Variants in CLYBL observed in about 807,000 individuals in gnomAD.
CLYBL encodes citramalyl-CoA lyase, mitochondrial.
CLYBL carries 31 observed loss-of-function variants against 38.9 expected under a neutral mutation model. The ratio of observed to expected loss-of-function variants is 0.80; its 90% CI spans 0.60 to 1.08. The LOEUF is 1.08. Ranked by LOEUF, CLYBL falls within the 50% of genes least tolerant of loss-of-function variation. The pLI, the probability that CLYBL is intolerant of heterozygous loss-of-function variation, is 0.00. For missense variants in CLYBL, 434 were observed against 411.6 expected, an observed-to-expected ratio of 1.05 and a Z score of -0.47; for synonymous variants, 171 against 158.6, an observed-to-expected ratio of 1.08 and a Z score of -0.59.
At chr13:99,775,961 A>G (rs567000353) in intron 2 of CLYBL, among the ~76,000 whole-genome samples, 3 of 152,000 alleles carry the variant, frequency 2.0e-5, no homozygotes, top group South Asian at 2.1e-4. Context: ...CAGGAGATCA[A>G]GACCATCCTG....
chr13:99,882,689 T>C (rs539982191), intron 7 of CLYBL, among the ~76,000 whole-genome samples: 2 of 152,122 alleles, frequency 1.3e-5, no homozygotes, highest in South Asian at 4.1e-4. Context: ...TATTTTGTAA[T>C]AGTATAAAGT....
intron 1 of CLYBL, among the ~76,000 whole-genome samples, chr13:99,697,459 C>G (rs998243607): frequency 6.6e-6 from 1 of 152,306 alleles, no homozygotes; most frequent in Admixed American, 6.5e-5. Flanking sequence ...TCACTGCAAC[C>G]TCTGCCTCCC....
intron 1 of CLYBL, among the ~76,000 whole-genome samples, chr13:99,743,478 A>G (rs573024577): frequency 2.0e-5 from 3 of 152,254 alleles, no homozygotes; most frequent in African/African-American, 4.8e-5. Flanking sequence ...AATTAGACAT[A>G]TATGATCTAA....
At chr13:99,758,591 A>C (rs2049108594) in intron 1 of CLYBL, among the ~76,000 whole-genome samples, 1 of 152,190 alleles carries the variant, frequency 6.6e-6, no homozygotes, top group South Asian at 2.1e-4. Flanking sequence ...TGGGGGAAGG[A>C]GAGGACTCAC....
chr13:99,704,499 CAT>C (rs1460785714), intron 1 of CLYBL, among the ~76,000 whole-genome samples: 1 of 152,174 alleles, frequency 6.6e-6, no homozygotes, highest in Non-Finnish European at 1.5e-5. Context: ...AATTAGGACT[CAT>C]ATAATGATTA....
At chr13:99,656,174 G>A (rs931615844) in intron 1 of CLYBL, among the ~76,000 whole-genome samples, 1 of 152,030 alleles carries the variant, frequency 6.6e-6, no homozygotes, top group Non-Finnish European at 1.5e-5. Context: ...TACAGTAATC[G>A]GATAGAAGGG....
downstream of CLYBL, chr13:99,894,337 G>A (rs1253613158): frequency 1.3e-5 from 2 of 152,230 alleles, no homozygotes; most frequent in Non-Finnish European, 2.9e-5. Flanking sequence ...AGCCAGGCGT[G>A]GGTGACAGGA....
chr13:99,732,830 C>A (rs922866426), intron 1 of CLYBL, among the ~76,000 whole-genome samples: 1 of 152,230 alleles, frequency 6.6e-6, no homozygotes, highest in Admixed American at 6.5e-5. Context: ...AAAATACATC[C>A]GCTTTCTTTG....
rs1443640184 is a variant in CLYBL, at chr13:99,672,574, G to A, written c.62+65817G>A. On this transcript the variant is annotated intron_variant, in intron 1 of 8. Transcript: ENST00000339105. Reference sequence around the variant, plus strand: ...GGATCGCTTGAGCCCAAGAGTTTGAGACCAGCCTGGGCAACATGGTGAAAC... The same window carrying A: ...GGATCGCTTGAGCCCAAGAGTTTGAAACCAGCCTGGGCAACATGGTGAAAC... Among the ~76,000 whole-genome samples, 5 of 151,228 alleles carry A rather than the reference G, an allele frequency of 3.3e-5. No individual in the cohort carries two copies. The East Asian group carries it at 9.7e-4, about 29-fold the overall frequency.
intron 1 of CLYBL, among the ~76,000 whole-genome samples, chr13:99,647,336 A>C (rs1162161315): frequency 6.6e-6 from 1 of 152,156 alleles, no homozygotes; most frequent in Non-Finnish European, 1.5e-5. Context: ...GTGGCTCTGA[A>C]AAACCTTCTT....
chr13:99,902,211 A>G (rs2052651662), intron 8 of CLYBL, among the ~76,000 whole-genome samples: 3 of 152,222 alleles, frequency 2.0e-5, no homozygotes, highest in Admixed American at 6.5e-5. Flanking sequence ...ATTACCAGAA[A>G]GGTAACAACA....
intron 1 of CLYBL, among the ~76,000 whole-genome samples, chr13:99,674,943 A>G (rs1208489182): frequency 6.6e-6 from 1 of 152,184 alleles, no homozygotes; most frequent in Non-Finnish European, 1.5e-5. Context: ...CTGAGATGCA[A>G]GGATGGCATG....
intron 2 of CLYBL, among the ~76,000 whole-genome samples, chr13:99,850,933 A>C (rs1346118470): frequency 6.6e-6 from 1 of 152,264 alleles, no homozygotes; most frequent in East Asian, 1.9e-4. Flanking sequence ...CCAAAGAACA[A>C]GTATTATTTC....
chr13:99,784,449 C>CTCTTGTTTTTT (rs71121010), intron 2 of CLYBL, among the ~76,000 whole-genome samples: 54 of 52,124 alleles, frequency 1.0e-3, no homozygotes, highest in Admixed American at 3.0e-3. Flanking sequence ...AAAATTCTCT[C>CTCTTGTTTTTT]TTTTTTTTTT....
At chr13:99,690,755 A>T (rs1044425334) in intron 1 of CLYBL, 3 of 152,226 alleles carry the variant, frequency 2.0e-5, no homozygotes, top group Admixed American at 6.5e-5. Flanking sequence ...ATTCTTTTTC[A>T]GTACCTACTT....
intron 1 of CLYBL, among the ~76,000 whole-genome samples, chr13:99,758,289 G>A (rs181752712): frequency 3.5e-4 from 54 of 152,194 alleles, no homozygotes; most frequent in Non-Finnish European, 6.6e-4. Context: ...GAAGGGAGAC[G>A]ACAAAAACAA....
At chr13:99,804,819 G>T (rs1476458920) in intron 2 of CLYBL, among the ~76,000 whole-genome samples, 1 of 152,084 alleles carries the variant, frequency 6.6e-6, no homozygotes, top group Non-Finnish European at 1.5e-5. Context: ...TAGTTCAGTG[G>T]CATTAAGAAT....
chr13:99,766,005 C>A (rs2049262156), intron 1 of CLYBL, among the ~76,000 whole-genome samples: 2 of 152,074 alleles, frequency 1.3e-5, no homozygotes, highest in South Asian at 4.1e-4. Context: ...GCATGCACCA[C>A]AATGCCCTGC....
At chr13:99,726,040 T>C (rs1338614612) in intron 1 of CLYBL, among the ~76,000 whole-genome samples, 1 of 152,248 alleles carries the variant, frequency 6.6e-6, no homozygotes, top group Non-Finnish European at 1.5e-5. Flanking sequence ...ATACATCTAA[T>C]ATGTTTATGT....
Sources: allele counts gnomAD v4.1 joint callset (sites outside exome capture counted in the v4.1 genomes callset), GRCh38; gene constraint gnomAD v4.1.1; transcripts MANE v1.5; gene names NCBI Gene and HGNC (gene_info 2026-07-23, HGNC 2026-07-21).